Variants in HSPBAP1 observed in about 807,000 individuals in gnomAD.
The protein encoded by HSPBAP1 is HSPB1 associated protein 1, also known as HSPB1-associated protein 1.
In HSPBAP1, 27 loss-of-function variants were observed where a neutral mutation model predicts 45.2. The observed-to-expected ratio is 0.60, with a 90% CI of 0.44 to 0.82. HSPBAP1 has a LOEUF of 0.82. Ranked by LOEUF, HSPBAP1 falls within the 40% of genes least tolerant of loss-of-function variation. The pLI is 0.00. For synonymous variants in HSPBAP1, 204 were observed against 202.7 expected (o/e 1.01, Z -0.06); for missense variants, 510 against 590.9 (o/e 0.86, Z 1.42).
intron 3 of HSPBAP1, among the ~76,000 whole-genome samples, chr3:122,763,407 C>A (rs77452525): frequency 6.6e-6 from 1 of 151,628 alleles, no homozygotes; most frequent in Non-Finnish European, 1.5e-5. Context: ...AAACTGTTCA[C>A]GTTAAATATA....
At position 122,776,147 on chromosome 3, in the gene HSPBAP1, G is replaced by T. The variant is rs543831982; in HGVS notation, c.250+1574C>A. Among the ~76,000 whole-genome samples the T allele has an allele frequency of 7.2e-5, 11 of 152,262 alleles. No individual in the cohort carries two copies. In the East Asian group the frequency reaches 2.1e-3, roughly 29 times the overall value. The stretch of plus-strand genomic sequence containing the variant: ...AAAATGATGGCTTAAGGGGTACTGG[G>T]CTTATTTATGGGATAATAGCAATAT... On this transcript the variant is annotated intron_variant, in intron 2 of 7. Transcript: ENST00000306103.
Position 122,755,334 on chromosome 3 carries a change from C to T in HSPBAP1, c.667G>A (p.Val223Ile), listed in dbSNP as rs1335662547. 7 of 1,601,564 alleles carry T rather than the reference C, an allele frequency of 4.4e-6. No individual in the cohort carries two copies. The highest frequency in any genetic ancestry group is 6.0e-6 in the Non-Finnish European group (7 of 1,174,556). ...ESSVFSKINV[V>I]NPDLKRFPQF... ...GGAAAACGCTTTAAATCAGGATTGACAACATTGATTTTACTGAACACACTA... is the reference window on the plus strand; with the variant it reads ...GGAAAACGCTTTAAATCAGGATTGATAACATTGATTTTACTGAACACACTA... The change falls in exon 5 of 8, where the codon GTC (valine) becomes ATC (isoleucine). Residue 223 changes from valine to isoleucine, a missense_variant. Transcript: ENST00000306103.
At chr3:122,752,082 T>G (rs562821200) in intron 6 of HSPBAP1, among the ~76,000 whole-genome samples, 1 of 152,250 alleles carries the variant, frequency 6.6e-6, no homozygotes, top group African/African-American at 2.4e-5. Context: ...GCAACCAGGA[T>G]TAAGCTTAAC....
chr3:122,759,489 G>A, intron 3 of HSPBAP1, 129 bp from the exon 4 acceptor site: 1 of 1,031,088 alleles, frequency 9.7e-7, no homozygotes, highest in African/African-American at 1.6e-5. Flanking sequence ...TGCTACAGAT[G>A]GAAGAGGTTA....
At chr3:122,760,595 C>T (rs1034950886) in intron 3 of HSPBAP1, among the ~76,000 whole-genome samples, 2 of 151,640 alleles carry the variant, frequency 1.3e-5, no homozygotes, top group African/African-American at 2.4e-5. Flanking sequence ...AATACGTGCA[C>T]ATAATTAATG....
chr3:122,780,952 C>T (rs1436350339), intron 1 of HSPBAP1, among the ~76,000 whole-genome samples: 1 of 109,488 alleles, frequency 9.1e-6, no homozygotes, highest in Non-Finnish European at 2.1e-5. Context: ...ACATCTCAGA[C>T]GATGGGCGGC....
intron 2 of HSPBAP1, among the ~76,000 whole-genome samples, chr3:122,771,699 C>T (rs959150924): frequency 6.6e-6 from 1 of 152,184 alleles, no homozygotes; most frequent in Non-Finnish European, 1.5e-5. Context: ...AACACTGCCA[C>T]TGAGCACGTA....
intron 1 of HSPBAP1, among the ~76,000 whole-genome samples, chr3:122,780,037 G>A (rs1158521707): frequency 3.9e-5 from 6 of 152,174 alleles, no homozygotes; most frequent in Non-Finnish European, 7.4e-5. Context: ...CCTCCCAGAT[G>A]GGGTGGCAGC....
intron 3 of HSPBAP1, among the ~76,000 whole-genome samples, 176 bp downstream of exon 3, chr3:122,768,525 G>A (rs1386864057): frequency 6.6e-6 from 1 of 152,240 alleles, no homozygotes; most frequent in Non-Finnish European, 1.5e-5. Flanking sequence ...ATCTGTGTGA[G>A]CCAAATGGTA....
intron 3 of HSPBAP1, among the ~76,000 whole-genome samples, chr3:122,766,573 T>C (rs1308188009): frequency 6.6e-6 from 1 of 152,234 alleles, no homozygotes; most frequent in Non-Finnish European, 1.5e-5. Flanking sequence ...ACAGGTCACA[T>C]ACTGCACAGT....
intron 6 of HSPBAP1, chr3:122,741,823 C>T (rs1009683032): frequency 6.6e-6 from 1 of 152,046 alleles, no homozygotes; most frequent in Non-Finnish European, 1.5e-5. Context: ...GTTTAGCCTC[C>T]AGGGAAGTGC....
chr3:122,765,665 G>A (rs1283108086), intron 3 of HSPBAP1, among the ~76,000 whole-genome samples: 1 of 151,458 alleles, frequency 6.6e-6, no homozygotes. Flanking sequence ...GATAAGAACA[G>A]TGGTATTAAC....
chr3:122,755,499 C>A, intron 4 of HSPBAP1, 68 bp from the exon 5 acceptor site: 1 of 1,166,176 alleles, frequency 8.6e-7, no homozygotes, highest in Non-Finnish European at 1.2e-6. Context: ...TGGAAGAAGA[C>A]AAAAGCTAAG....
chr3:122,759,185 C>CCCCA, intron 4 of HSPBAP1, 39 bp downstream of exon 4: 1 of 1,462,922 alleles, frequency 6.8e-7, no homozygotes, highest in Non-Finnish European at 9.1e-7. Context: ...CATGTGCGTT[C>CCCCA]CACACACACA....
intron 6 of HSPBAP1, among the ~76,000 whole-genome samples, chr3:122,744,765 T>C (rs1933786221): frequency 6.6e-6 from 1 of 152,192 alleles, no homozygotes; most frequent in Admixed American, 6.5e-5. Context: ...AACACTGTGG[T>C]GAAGTCTTTC....
intron 1 of HSPBAP1, among the ~76,000 whole-genome samples, chr3:122,779,871 G>C (rs1216120489): frequency 2.3e-4 from 35 of 151,570 alleles, no homozygotes; most frequent in African/African-American, 8.5e-4. Flanking sequence ...ATTTTTCTTA[G>C]TACAGAACAA....
intron 5 of HSPBAP1, chr3:122,753,910 GA>G: frequency 1.0e-6 from 1 of 984,944 alleles, no homozygotes. Context: ...ATTAAACACA[GA>G]AGAGAAAATG....
At chr3:122,766,996 G>T (rs567068585) in intron 3 of HSPBAP1, among the ~76,000 whole-genome samples, 2 of 152,166 alleles carry the variant, frequency 1.3e-5, no homozygotes, top group Non-Finnish European at 2.9e-5. Flanking sequence ...GAATGGTGGG[G>T]CGTGGGTATG....
intron 6 of HSPBAP1, among the ~76,000 whole-genome samples, chr3:122,750,945 A>G (rs1225553639): frequency 6.6e-6 from 1 of 152,244 alleles, no homozygotes; most frequent in Non-Finnish European, 1.5e-5. Flanking sequence ...CTGGATTTAG[A>G]ATTAAAATCA....
Sources: allele counts gnomAD v4.1 joint callset (sites outside exome capture counted in the v4.1 genomes callset), GRCh38; gene constraint gnomAD v4.1.1; transcripts MANE v1.5; gene names NCBI Gene and HGNC (gene_info 2026-07-23, HGNC 2026-07-21).